LRRC37A2: variants seen among roughly 807,000 people sequenced by gnomAD.
The protein encoded by LRRC37A2 is leucine-rich repeat-containing protein 37A2.
LRRC37A2 carries 9 observed loss-of-function variants against 68.8 expected under a neutral mutation model. The observed-to-expected ratio is 0.13, with a 90% CI of 0.08 to 0.23. The LOEUF is 0.23. Among genes scored for constraint, LRRC37A2 ranks in the 10% least tolerant of loss-of-function variants. The pLI is 1.00. For synonymous variants in LRRC37A2, 63 were observed against 367.6 expected (o/e 0.17, Z 9.48); for missense variants, 168 against 950.4 (o/e 0.18, Z 10.82).
the LRRC37A2 span, among the ~76,000 whole-genome samples, chr17:46,716,856 A>T: frequency 6.6e-6 from 1 of 152,206 alleles, no homozygotes; most frequent in Non-Finnish European, 1.5e-5. Flanking sequence ...AAACATACTG[A>T]TGTAAACTTG....
chr17:46,977,411 C>G, the LRRC37A2 span, among the ~76,000 whole-genome samples: 2 of 152,232 alleles, frequency 1.3e-5, no homozygotes, highest in Non-Finnish European at 2.9e-5. Context: ...GCCTTCTCTC[C>G]TCCAGTGTCC....
the LRRC37A2 span, among the ~76,000 whole-genome samples, chr17:47,000,096 TAA>T: frequency 1.1e-3 from 131 of 114,830 alleles, 8 homozygotes; most frequent in African/African-American, 3.8e-3. Context: ...TAAAATAAAA[TAA>T]AATAAAATAA....
chr17:46,786,126 C>CGA, the LRRC37A2 span, among the ~76,000 whole-genome samples: 4 of 116,710 alleles, frequency 3.4e-5, no homozygotes, highest in Non-Finnish European at 6.5e-5. Flanking sequence ...GAGGAGGGTG[C>CGA]GAGAGAGGGA....
At chr17:46,862,885 C>T in the LRRC37A2 span, among the ~76,000 whole-genome samples, 1 of 152,176 alleles carries the variant, frequency 6.6e-6, no homozygotes, top group Non-Finnish European at 1.5e-5. Context: ...TGTACCAGGC[C>T]TAAGCTGAGT....
chr17:47,016,300 T>C, the LRRC37A2 span, among the ~76,000 whole-genome samples: 1 of 151,340 alleles, frequency 6.6e-6, no homozygotes, highest in African/African-American at 2.5e-5. Flanking sequence ...GGCACTGGAA[T>C]AAGATGAAGC....
chr17:46,614,278 TTAG>T, the LRRC37A2 span, among the ~76,000 whole-genome samples: 13 of 138,226 alleles, frequency 9.4e-5, no homozygotes, highest in Admixed American at 7.5e-4. Context: ...TGCAGTAGAC[TTAG>T]TAGACTCTTG....
the LRRC37A2 span, among the ~76,000 whole-genome samples, chr17:47,021,254 G>C: frequency 6.7e-6 from 1 of 149,588 alleles, no homozygotes; most frequent in Non-Finnish European, 1.5e-5. Flanking sequence ...GACATGCAGA[G>C]GATTGTTTTA....
chr17:46,771,167 G>A, the LRRC37A2 span, among the ~76,000 whole-genome samples: 5 of 152,332 alleles, frequency 3.3e-5, no homozygotes, highest in African/African-American at 1.2e-4. Context: ...CTACAGAGGG[G>A]CCCGTCCCAC....
intron 11 of LRRC37A2, among the ~76,000 whole-genome samples, chr17:46,552,274 TTTTCC>T (rs1289149202): frequency 5.5e-4 from 1 of 1,812 alleles, no homozygotes; most frequent in Non-Finnish European, 1.3e-3. Context: ...CCCTTTTCCT[TTTTCC>T]TTTCCTTTCC....
At chr17:46,736,073 T>C in the LRRC37A2 span, among the ~76,000 whole-genome samples, 1 of 152,222 alleles carries the variant, frequency 6.6e-6, no homozygotes, top group African/African-American at 2.4e-5. Flanking sequence ...GCTCCCACTT[T>C]GGAATGCCTG....
the LRRC37A2 span, among the ~76,000 whole-genome samples, chr17:46,494,696 T>G: frequency 6.6e-6 from 1 of 151,532 alleles, no homozygotes; most frequent in Non-Finnish European, 1.5e-5. Context: ...TTTCACTGTT[T>G]CCTTAAGGTA....
the LRRC37A2 span, among the ~76,000 whole-genome samples, chr17:46,984,816 T>C: frequency 6.6e-6 from 1 of 152,240 alleles, no homozygotes; most frequent in African/African-American, 2.4e-5. Flanking sequence ...GCCATTTTAA[T>C]GAAGAGATAA....
the LRRC37A2 span, among the ~76,000 whole-genome samples, chr17:46,723,939 A>C: frequency 6.6e-6 from 1 of 152,198 alleles, no homozygotes; most frequent in Non-Finnish European, 1.5e-5. Context: ...CCTTTACAGT[A>C]AAATTTTAAC....
At chr17:46,490,964 G>A in the LRRC37A2 span, among the ~76,000 whole-genome samples, 16 of 149,244 alleles carry the variant, frequency 1.1e-4, no homozygotes, top group African/African-American at 2.8e-4. Context: ...GCGCGATCTC[G>A]GCTCACTGCA....
At chr17:46,989,565 G>T in the LRRC37A2 span, among the ~76,000 whole-genome samples, 1 of 152,222 alleles carries the variant, frequency 6.6e-6, no homozygotes, top group Non-Finnish European at 1.5e-5. Context: ...ACAGGGATGT[G>T]ACCCACGACA....
At chr17:47,012,906 G>T in the LRRC37A2 span, among the ~76,000 whole-genome samples, 1 of 152,120 alleles carries the variant, frequency 6.6e-6, no homozygotes. Context: ...AAACTTATAC[G>T]TGAATGTCCA....
At chr17:46,975,892 A>AAGG in the LRRC37A2 span, among the ~76,000 whole-genome samples, 4 of 151,344 alleles carry the variant, frequency 2.6e-5, no homozygotes, top group East Asian at 3.9e-4. Context: ...GAAGAAAGAT[A>AAGG]AAGGAAGGAA....
chr17:46,754,201 A>G, the LRRC37A2 span, among the ~76,000 whole-genome samples: 98 of 128,434 alleles, frequency 7.6e-4, no homozygotes, highest in Admixed American at 1.3e-3. Flanking sequence ...ATGTAATTCT[A>G]TTCCCAAAAA....
the LRRC37A2 span, chr17:46,851,535 C>A: frequency 1.8e-6 from 1 of 550,188 alleles, no homozygotes; most frequent in Non-Finnish European, 2.7e-6. This position sits in a 1 kb window ranked among gnomAD's most constrained non-coding sequence, Gnocchi z 4.3. Flanking sequence ...CCAGCGCCGC[C>A]TGCCCCGCCC....
Sources: allele counts gnomAD v4.1 joint callset (sites outside exome capture counted in the v4.1 genomes callset), GRCh38; gene constraint gnomAD v4.1.1; non-coding constraint Gnocchi (gnomAD v3.1); transcripts MANE v1.5; gene names NCBI Gene and HGNC (gene_info 2026-07-23, HGNC 2026-07-21).